Variants in ABHD16A observed in about 807,000 individuals in gnomAD.
ABHD16A encodes abhydrolase domain containing 16A, phospholipase, also known as phosphatidylserine lipase ABHD16A.
ABHD16A carries 47 observed loss-of-function variants against 89.8 expected under a neutral mutation model. The observed-to-expected ratio is 0.52, with a 90% CI of 0.41 to 0.67. The LOEUF is 0.67. Ranked by LOEUF, ABHD16A falls within the 30% of genes least tolerant of loss-of-function variation. The pLI is 0.00. For missense variants in ABHD16A, 580 were observed against 734.6 expected, an observed-to-expected ratio of 0.79 and a Z score of 2.43; for synonymous variants, 251 against 280.4, an observed-to-expected ratio of 0.90 and a Z score of 1.05.
Position 31,693,326 on chromosome 6 carries a change from G to C in ABHD16A, c.503+33C>G. 3 of 1,611,710 alleles carry C rather than the reference G, an allele frequency of 1.9e-6. No individual in the cohort carries two copies. Among genetic ancestry groups the C allele is most frequent in the Non-Finnish European group, 2.5e-6 (3 of 1,178,822 alleles). On this transcript the variant is annotated intron_variant, in intron 6 of 19. Coordinates refer to ENST00000395952, the MANE Select transcript of ABHD16A (RefSeq NM_021160.3). The surrounding 1 kb of genome is among the most constrained non-coding windows in gnomAD (Gnocchi z 5.0). Reference sequence around the variant, plus strand: ...AGAGATTTTCTGGAATGGTTCTAAGGGGAGAGATACAGCAAAAGAACTGGG... The same window carrying C: ...AGAGATTTTCTGGAATGGTTCTAAGCGGAGAGATACAGCAAAAGAACTGGG...
rs1803538493 is a variant in ABHD16A, at chr6:31,688,664, C to T, written c.1250+59G>A. ...TTTAGTACTAGTTTCAGGGTTTGAG[C>T]GCCCAGCAGAGCTGTATGGGGGGCA... is the stretch of plus-strand genomic sequence containing the variant. On this transcript the variant is annotated intron_variant, in intron 14 of 19. Coordinates refer to ENST00000395952, the MANE Select transcript of ABHD16A (RefSeq NM_021160.3). This position sits in a 1 kb window ranked among gnomAD's most constrained non-coding sequence, Gnocchi z 4.9. 6 of 1,585,224 alleles carry T rather than the reference C, an allele frequency of 3.8e-6. No homozygotes were observed. The highest frequency in any genetic ancestry group is 1.7e-5 in the Admixed American group (1 of 58,788).
Position 31,690,123 on chromosome 6 carries a change from T to C in ABHD16A, c.912A>G (p.Gly304=). The change falls in exon 11 of 20, where the codon GGA becomes GGG. Residue 304 remains glycine, a synonymous_variant. Coordinates refer to ENST00000395952, the MANE Select transcript of ABHD16A (RefSeq NM_021160.3). The surrounding 1 kb of genome is among the most constrained non-coding windows in gnomAD (Gnocchi z 4.1). ...GATGATTCCAGCCCAGGACTGAATA[T>C]CCAGCTGTAACACAGGGGGAGGAGG... ...VGCVSTPLEA[G]YSVLGWNHPG... 6.3e-7 allele frequency: 1 copy of C among 1,596,490 alleles called. No homozygotes were observed. The highest frequency in any genetic ancestry group is 8.5e-7 in the Non-Finnish European group (1 of 1,171,502).
chr6:31,694,385 G>GTTTTTTTTT (rs1562107423), intron 5 of ABHD16A, among the ~76,000 whole-genome samples: 1 of 79,478 alleles, frequency 1.3e-5, no homozygotes, highest in Non-Finnish European at 2.2e-5. Flanking sequence ...TGGGAGCTGT[G>GTTTTTTTTT]TCTTTTTTTT....
chr6:31,701,372 T>TACACACAC, intron 2 of ABHD16A, 32 bp from the exon 3 acceptor site: 1 of 1,406,510 alleles, frequency 7.1e-7, no homozygotes. Context: ...AGGCAATCAA[T>TACACACAC]ACACACACAC....
rs766752943 is a variant in ABHD16A at position 31,688,014 on chromosome 6, C to G, written c.1370+27G>C. ...CAGTATCTGTGTGTGTACACTGCCC[C>G]CAGCGCGCACACACCCTGGCTCTCA... On this transcript the variant is annotated intron_variant, in intron 16 of 19. Transcript: ENST00000395952. This position sits in a 1 kb window ranked among gnomAD's most constrained non-coding sequence, Gnocchi z 4.9. 3.1e-6 allele frequency: 5 copies of G among 1,611,422 alleles called. No individual in the cohort carries two copies. Among genetic ancestry groups the G allele is most frequent in the Admixed American group, 3.3e-5 (2 of 59,936 alleles).
At position 31,693,478 on chromosome 6, in the gene ABHD16A, G is replaced by A; in HGVS notation, c.430-46C>T. ...AAAGGGGTACTGAGAACTCAGGGGA[G>A]GCTCTCCTACCCACCCTCAACAACA... On this transcript the variant is annotated intron_variant, in intron 5 of 19. Coordinates refer to ENST00000395952, the MANE Select transcript of ABHD16A (RefSeq NM_021160.3). This position sits in a 1 kb window ranked among gnomAD's most constrained non-coding sequence, Gnocchi z 5.0. 1 of 1,588,962 alleles carries A rather than the reference G, an allele frequency of 6.3e-7. No homozygotes were observed. The highest frequency in any genetic ancestry group is 8.6e-7 in the Non-Finnish European group (1 of 1,160,388).
At position 31,700,991 on chromosome 6, in the gene ABHD16A, G is replaced by C. The variant is rs1331038828; in HGVS notation, c.294C>G (p.His98Gln). The change falls in exon 4 of 20, where the codon CAC becomes CAG. Residue 98 changes from histidine (H) to glutamine (Q), a missense_variant. Physicochemically the swap from His to Gln is conservative, Grantham distance 24. This residue lies in a region of ABHD16A where 165 missense variants were observed against 165.8 expected (regional missense o/e 1.00). Transcript: ENST00000395952. The stretch of plus-strand genomic sequence containing the variant: ...GAAGTAGCAGCAATGTCCCAGCATA[G>C]TGAGAAAACGGCACCACTTTGGACA... ...LSLSKVVPFS[H>Q]YAGTLLLLLA... is the part of the protein sequence containing the mutation. 6.2e-7 allele frequency: 1 copy of C among 1,614,020 alleles called. No homozygotes were observed. The highest frequency in any genetic ancestry group is 1.7e-5 in the Admixed American group (1 of 60,004).
At chr6:31,699,242 TA>T (rs1242088846) in intron 4 of ABHD16A, among the ~76,000 whole-genome samples, 1 of 151,206 alleles carries the variant, frequency 6.6e-6, no homozygotes, top group Admixed American at 6.6e-5. Context: ...CCATCTCTAC[TA>T]AAAAATACAA....
Position 31,687,464 on chromosome 6 carries a change from A to G in ABHD16A, c.1593+34T>C. ...CCCCCTATGTGAGCCCTGGCCATTC[A>G]AGAACCCTTCCCACTTCCCACTCCT... On this transcript the variant is annotated intron_variant, in intron 19 of 19. Coordinates refer to ENST00000395952, the MANE Select transcript of ABHD16A (RefSeq NM_021160.3). This position sits in a 1 kb window ranked among gnomAD's most constrained non-coding sequence, Gnocchi z 6.3. The G allele has an allele frequency of 6.2e-7, 1 of 1,613,022 alleles. No homozygotes were observed. Among genetic ancestry groups the G allele is most frequent in the Admixed American group, 1.7e-5 (1 of 60,010 alleles).
chr6:31,693,520 G>A lies in ABHD16A; in HGVS notation c.430-88C>T. The A allele has an allele frequency of 7.8e-7, 1 of 1,277,574 alleles. No homozygotes were observed. The highest frequency in any genetic ancestry group is 1.2e-5 in the South Asian group (1 of 81,282). 79.1% of individuals were successfully genotyped at this position (1,277,574 alleles called of 1,614,324 possible). On this transcript the variant is annotated intron_variant, in intron 5 of 19. Coordinates refer to ENST00000395952, the MANE Select transcript of ABHD16A (RefSeq NM_021160.3). The surrounding 1 kb of genome is among the most constrained non-coding windows in gnomAD (Gnocchi z 5.0). ...TCAACAACACCTTCGTTATCCAGGG[G>A]TCTGATCCCCACACATCATGGGGAA...
rs1157656984 is a variant in ABHD16A, at chr6:31,693,344, G to T, written c.503+15C>A. The T allele has an allele frequency of 1.2e-6, 2 of 1,612,816 alleles. No individual in the cohort carries two copies. Among genetic ancestry groups the T allele is most frequent in the African/African-American group, 2.7e-5 (2 of 74,918 alleles). On this transcript the variant is annotated intron_variant, in intron 6 of 19. Coordinates refer to ENST00000395952, the MANE Select transcript of ABHD16A (RefSeq NM_021160.3). This position sits in a 1 kb window ranked among gnomAD's most constrained non-coding sequence, Gnocchi z 5.0. ...TTCTAAGGGGAGAGATACAGCAAAA[G>T]AACTGGGGCCTCACCGGCTGCTGGG...
Position 31,687,896 on chromosome 6 carries a change from GA to G in ABHD16A, c.1374del (p.Arg460GlyfsTer2). The G allele has an allele frequency of 6.2e-7, 1 of 1,612,756 alleles. No individual in the cohort carries two copies. On this transcript the variant is annotated frameshift_variant, in exon 17 of 20. Transcript: ENST00000395952. LOFTEE classifies it high-confidence loss of function. This position sits in a 1 kb window ranked among gnomAD's most constrained non-coding sequence, Gnocchi z 6.3. The part of the protein sequence containing the change: ...DLLLKLLQHR[Y>X]PRVMAEEGLR... ...AGACCCTCCTCTGCCATCACCCGGG[GA>G]TACCTACGGAGGAAGTGCCAGGACA...
In ABHD16A at chr6:31,693,635, A is replaced by G. The variant is rs1015181931; in HGVS notation, c.430-203T>C. On this transcript the variant is annotated intron_variant, in intron 5 of 19. Coordinates refer to ENST00000395952, the MANE Select transcript of ABHD16A (RefSeq NM_021160.3). This position sits in a 1 kb window ranked among gnomAD's most constrained non-coding sequence, Gnocchi z 5.0. ...GGGGAGATGGTATGCCCCATCAGGT[A>G]TCAGGACTGGCCTGTCTGCCCTCTT... Among the ~76,000 whole-genome samples the G allele has an allele frequency of 2.0e-5, 3 of 152,232 alleles. No individual in the cohort carries two copies. The highest frequency in any genetic ancestry group is 7.2e-5 in the African/African-American group (3 of 41,454).
In ABHD16A at chr6:31,688,704, G is replaced by A. The variant is rs1271718892; in HGVS notation, c.1250+19C>T. 2 of 1,612,682 alleles carry A rather than the reference G, an allele frequency of 1.2e-6. No individual in the cohort carries two copies. The highest frequency in any genetic ancestry group is 1.7e-6 in the Non-Finnish European group (2 of 1,179,858). On this transcript the variant is annotated intron_variant, in intron 14 of 19. Transcript: ENST00000395952. The surrounding 1 kb of genome is among the most constrained non-coding windows in gnomAD (Gnocchi z 4.9). ...TATGGGGGGCAGGTGTTCAATGCCG[G>A]ACGCTGGCCGGCCCTCACCTGCACA... is the stretch of plus-strand genomic sequence containing the variant.
chr6:31,690,687 A>G lies in ABHD16A; in HGVS notation c.844-85T>C. 2.4e-6 allele frequency: 3 copies of G among 1,244,928 alleles called. No homozygotes were observed. The highest frequency in any genetic ancestry group is 3.5e-6 in the Non-Finnish European group (3 of 847,116). 77.1% of individuals were successfully genotyped at this position (1,244,928 alleles called of 1,614,324 possible). A position where few individuals can be genotyped will look rare whatever the true frequency, so the allele number is the denominator to read the frequency against. ...TGGGCAGGGAGGGCAGCCCATGAAGAGCTTTGCAGGGAAGAGGAAAGGGCA... is the reference window on the plus strand; with the variant it reads ...TGGGCAGGGAGGGCAGCCCATGAAGGGCTTTGCAGGGAAGAGGAAAGGGCA... On this transcript the variant is annotated intron_variant, in intron 9 of 19. Coordinates refer to ENST00000395952, the MANE Select transcript of ABHD16A (RefSeq NM_021160.3). The surrounding 1 kb of genome is among the most constrained non-coding windows in gnomAD (Gnocchi z 4.1).
chr6:31,692,823 C>T, intron 7 of ABHD16A: 1 of 433,764 alleles, frequency 2.3e-6, no homozygotes. Context: ...TTACTTACTA[C>T]ATTTGAGACT....
chr6:31,690,584 TCC>T lies in ABHD16A; in HGVS notation c.860_861del (p.Gly287GlufsTer6). ...CAGCCCACCTCATAAAACCCAGCATTCCCCTCACAGCAGATCACCTAGGAAGG... is the reference window on the plus strand; with the variant it reads ...CAGCCCACCTCATAAAACCCAGCATTCCTCACAGCAGATCACCTAGGAAGG... Reference protein sequence around the residue: ...QGQKLVICCEGNAGFYEVGCV... With the variant: ...QGQKLVICCEXNAGFYEVGCV... On this transcript the variant is annotated frameshift_variant, in exon 10 of 20. Coordinates refer to ENST00000395952, the MANE Select transcript of ABHD16A (RefSeq NM_021160.3). LOFTEE classifies it high-confidence loss of function. The surrounding 1 kb of genome is among the most constrained non-coding windows in gnomAD (Gnocchi z 4.1). The T allele has an allele frequency of 6.2e-7, 1 of 1,612,764 alleles. No homozygotes were observed. The highest frequency in any genetic ancestry group is 8.5e-7 in the Non-Finnish European group (1 of 1,179,968).
chr6:31,701,258 T>C lies in ABHD16A; in HGVS notation c.256+16A>G, dbSNP rs141166569. ...CTGCCCATTTGCTACCCCACCACCT[T>C]TGAAACCACACTGACCTTTCCTGTA... On this transcript the variant is annotated intron_variant, in intron 3 of 19. Coordinates refer to ENST00000395952, the MANE Select transcript of ABHD16A (RefSeq NM_021160.3). 1,620 of 1,609,540 alleles carry C rather than the reference T, an allele frequency of 1.0e-3. 1 individual carries two copies. The highest frequency in any genetic ancestry group is 5.9e-3 in the Middle Eastern group (36 of 6,054).
chr6:31,690,148 G>C lies in ABHD16A; in HGVS notation c.908-21C>G, dbSNP rs1046152998. On this transcript the variant is annotated intron_variant, in intron 10 of 19. Coordinates refer to ENST00000395952, the MANE Select transcript of ABHD16A (RefSeq NM_021160.3). The surrounding 1 kb of genome is among the most constrained non-coding windows in gnomAD (Gnocchi z 4.1). ...TCCAGCTGTAACACAGGGGGAGGAGGGACTGAGACCTTGTGGCCCACAGCC... is the reference window on the plus strand; with the variant it reads ...TCCAGCTGTAACACAGGGGGAGGAGCGACTGAGACCTTGTGGCCCACAGCC... The C allele has an allele frequency of 3.2e-6, 5 of 1,571,656 alleles. No individual in the cohort carries two copies. Among genetic ancestry groups the C allele is most frequent in the Non-Finnish European group, 4.3e-6 (5 of 1,159,526 alleles).
Sources: allele counts gnomAD v4.1 joint callset (sites outside exome capture counted in the v4.1 genomes callset), GRCh38; gene constraint gnomAD v4.1.1; regional missense constraint gnomAD v4.1.1; non-coding constraint Gnocchi (gnomAD v3.1); transcripts MANE v1.5; gene names NCBI Gene and HGNC (gene_info 2026-07-23, HGNC 2026-07-21).